Variants in SV2C observed in about 807,000 individuals in gnomAD.
SV2C encodes solute carrier family 22 member B3.
In SV2C, 49 loss-of-function variants were observed where a neutral mutation model predicts 79.7. That is an observed-to-expected ratio of 0.61 (90% confidence interval 0.49 to 0.78). SV2C has a LOEUF of 0.78. Ranked by LOEUF, SV2C falls within the 30% of genes least tolerant of loss-of-function variation. The probability of loss-of-function intolerance (pLI) is 0.00; values close to 1 mark genes in which losing one functional copy is unlikely to be tolerated. For synonymous variants in SV2C, 334 were observed against 333.2 expected (o/e 1.00, Z -0.03); for missense variants, 833 against 912.9 (o/e 0.91, Z 1.13).
chr5:76,324,868 T>C (rs944341465), intron 12 of SV2C, among the ~76,000 whole-genome samples: 12 of 151,388 alleles, frequency 7.9e-5, no homozygotes, highest in African/African-American at 2.9e-4. Flanking sequence ...AAAATAAAAA[T>C]AAAAATTAGC....
the SV2C span, among the ~76,000 whole-genome samples, chr5:76,077,400 C>T: frequency 6.6e-6 from 1 of 152,174 alleles, no homozygotes; most frequent in African/African-American, 2.4e-5. Flanking sequence ...ATTTAAGAGA[C>T]ATATCAACCA....
At chr5:76,073,529 A>ATATATATG in the SV2C span, among the ~76,000 whole-genome samples, 25 of 129,518 alleles carry the variant, frequency 1.9e-4, 1 homozygote, top group Non-Finnish European at 1.1e-4. Flanking sequence ...ATATATATAT[A>ATATATATG]TATATATATA....
At chr5:76,105,708 G>A (rs1334391268) in intron 1 of SV2C, among the ~76,000 whole-genome samples, 4 of 152,060 alleles carry the variant, frequency 2.6e-5, no homozygotes, top group Non-Finnish European at 4.4e-5. Context: ...TCTGCGTTCA[G>A]TCTCCCAGCT....
At chr5:76,039,161 T>A in the SV2C span, among the ~76,000 whole-genome samples, 5 of 152,326 alleles carry the variant, frequency 3.3e-5, no homozygotes, top group African/African-American at 1.2e-4. Flanking sequence ...TTGGTCAGCA[T>A]GGGCTTGACT....
intron 12 of SV2C, among the ~76,000 whole-genome samples, chr5:76,313,688 G>A (rs549542419): frequency 6.6e-6 from 1 of 152,164 alleles, no homozygotes; most frequent in African/African-American, 2.4e-5. Flanking sequence ...TTTAATTGTG[G>A]GGTGCAGGAT....
At chr5:75,950,839 C>A in the SV2C span, among the ~76,000 whole-genome samples, 1 of 151,864 alleles carries the variant, frequency 6.6e-6, no homozygotes, top group Admixed American at 6.6e-5. Context: ...ATCCCTGGAA[C>A]AATTATTTCT....
chr5:75,970,970 T>C, the SV2C span, among the ~76,000 whole-genome samples: 25,528 of 151,982 alleles, frequency 0.17, 2,277 homozygotes, highest in Middle Eastern at 0.21. Context: ...AAAAAGCTTA[T>C]CCACCATAAT....
At chr5:75,972,930 A>G in the SV2C span, among the ~76,000 whole-genome samples, 1 of 152,214 alleles carries the variant, frequency 6.6e-6, no homozygotes, top group Admixed American at 6.5e-5. Context: ...ACCAACCCAA[A>G]TGTCCAACAA....
chr5:75,860,177 A>T, the SV2C span, among the ~76,000 whole-genome samples: 1,286 of 152,270 alleles, frequency 8.4e-3, 24 homozygotes, highest in African/African-American at 0.029. Flanking sequence ...GAACTGACAA[A>T]TGAGTTCAGG....
At chr5:76,185,829 A>G (rs1039245171) in intron 2 of SV2C, among the ~76,000 whole-genome samples, 4 of 152,184 alleles carry the variant, frequency 2.6e-5, no homozygotes, top group African/African-American at 9.6e-5. Context: ...TCTCCATTGA[A>G]TTCAGCTCCT....
intron 12 of SV2C, among the ~76,000 whole-genome samples, chr5:76,320,153 C>CTT (rs34287027): frequency 0.022 from 2,967 of 135,526 alleles, 104 homozygotes; most frequent in African/African-American, 0.076. Context: ...TCTCGTCTTC[C>CTT]TTTTTTTTTT....
At chr5:75,942,372 G>A in the SV2C span, among the ~76,000 whole-genome samples, 1 of 152,198 alleles carries the variant, frequency 6.6e-6, no homozygotes, top group Admixed American at 6.5e-5. Context: ...TGGTTGATCA[G>A]ATGTTCCAGA....
chr5:75,939,761 C>T, the SV2C span, among the ~76,000 whole-genome samples: 1 of 152,126 alleles, frequency 6.6e-6, no homozygotes, highest in African/African-American at 2.4e-5. Flanking sequence ...CCTTTCCAAC[C>T]CTGCCCTCTG....
intron 3 of SV2C, among the ~76,000 whole-genome samples, chr5:76,196,809 T>C (rs1279152377): frequency 1.3e-5 from 2 of 152,240 alleles, no homozygotes; most frequent in African/African-American, 4.8e-5. Context: ...CAAATTATTG[T>C]GGCAATTTTA....
At chr5:76,016,415 G>A in the SV2C span, among the ~76,000 whole-genome samples, 1 of 152,116 alleles carries the variant, frequency 6.6e-6, no homozygotes, top group African/African-American at 2.4e-5. Context: ...AAACCACATG[G>A]AATGAGGATG....
At chr5:76,240,549 T>C (rs989992184) in intron 4 of SV2C, among the ~76,000 whole-genome samples, 1 of 152,226 alleles carries the variant, frequency 6.6e-6, no homozygotes, top group African/African-American at 2.4e-5. Context: ...GGAGGAACCA[T>C]CTGTGACACA....
At chr5:75,970,937 C>T in the SV2C span, among the ~76,000 whole-genome samples, 3 of 152,084 alleles carry the variant, frequency 2.0e-5, no homozygotes, top group African/African-American at 7.3e-5. Flanking sequence ...AAAATACTGG[C>T]AAACCGAATC....
At chr5:76,173,873 T>C in intron 2 of SV2C, 1 of 1,597,926 alleles carries the variant, frequency 6.3e-7, no homozygotes, top group South Asian at 1.1e-5. Context: ...ATCAGTGTCT[T>C]TAACTCGAAG....
At chr5:75,910,916 G>C in the SV2C span, 14 of 938,088 alleles carry the variant, frequency 1.5e-5, no homozygotes, top group Admixed American at 2.0e-4. Flanking sequence ...CAAAGTCTTT[G>C]TGGTGAAGGG....
Sources: gnomAD v4.1 joint callset for allele counts (sites outside exome capture counted in the v4.1 genomes callset) on GRCh38, gnomAD v4.1.1 for gene constraint, MANE v1.5 for transcripts, NCBI Gene and HGNC (gene_info 2026-07-23, HGNC 2026-07-21) for gene names.